The following PSMD5 variants were observed in gnomAD, a reference collection of about 807,000 sequenced individuals.
The protein encoded by PSMD5 is proteasome 26S subunit, non-ATPase 5, also known as 26S proteasome non-ATPase regulatory subunit 5.
PSMD5 carries 40 observed loss-of-function variants against 52.1 expected under a neutral mutation model. The observed-to-expected ratio is 0.77, with a 90% CI of 0.60 to 1.00. PSMD5 has a LOEUF of 1.00. Ranked by LOEUF, PSMD5 falls within the 50% of genes least tolerant of loss-of-function variation. The probability of loss-of-function intolerance (pLI) is 0.00; values close to 1 mark genes in which losing one functional copy is unlikely to be tolerated. For missense variants in PSMD5, 575 were observed against 605.2 expected, an observed-to-expected ratio of 0.95 and a Z score of 0.52; for synonymous variants, 211 against 226.6, an observed-to-expected ratio of 0.93 and a Z score of 0.62.
chr9:120,840,025 G>A (rs965840497), intron 1 of PSMD5, among the ~76,000 whole-genome samples: 14 of 150,804 alleles, frequency 9.3e-5, no homozygotes, highest in African/African-American at 3.4e-4. Context: ...CTACTCAGGA[G>A]GCTGAGGCAG....
chr9:120,840,619 CTTTTT>C (rs35843505), intron 1 of PSMD5, among the ~76,000 whole-genome samples: 1 of 116,176 alleles, frequency 8.6e-6, no homozygotes, highest in African/African-American at 3.2e-5. Flanking sequence ...CTAATTTTTG[CTTTTT>C]TTTTTTTTTT....
Position 120,831,458 on chromosome 9 carries a change from G to T in PSMD5, c.434C>A (p.Ala145Asp). 1 of 1,595,944 alleles carries T rather than the reference G, an allele frequency of 6.3e-7. No homozygotes were observed. Among genetic ancestry groups the T allele is most frequent in the Non-Finnish European group, 8.5e-7 (1 of 1,174,528 alleles). The change falls in exon 4 of 10, where the codon GCT becomes GAT. Residue 145 changes from alanine to aspartate, a missense_variant and splice_region_variant. Transcript: ENST00000210313. ...GGENLSVAKAAIKSLSRISLT... is the reference protein window; with the variant it reads ...GGENLSVAKADIKSLSRISLT... ...TGATATTCTTGACAGGGATTTGATA[G>T]CCTTATAACGAAAGAAAATATCTCT... is the stretch of plus-strand genomic sequence containing the variant.
intron 3 of PSMD5, 76 bp downstream of exon 3, chr9:120,831,756 A>C: frequency 1.3e-6 from 2 of 1,539,864 alleles, no homozygotes; most frequent in Non-Finnish European, 1.7e-6. Flanking sequence ...TCACCTCTCA[A>C]TTCAGAAGGC....
intron 1 of PSMD5, among the ~76,000 whole-genome samples, chr9:120,840,688 C>T (rs1259386791): frequency 2.7e-5 from 4 of 148,170 alleles, no homozygotes; most frequent in African/African-American, 7.5e-5. Flanking sequence ...GGAGCGATCT[C>T]GTCTCACCGC....
intron 9 of PSMD5, among the ~76,000 whole-genome samples, chr9:120,819,595 G>C (rs1446210098): frequency 2.0e-5 from 3 of 152,238 alleles, no homozygotes; most frequent in Non-Finnish European, 4.4e-5. Context: ...AGCACTCTGG[G>C]AGGCCGAGGC....
intron 4 of PSMD5, among the ~76,000 whole-genome samples, chr9:120,830,872 T>C (rs956424424): frequency 1.5e-5 from 2 of 132,870 alleles, no homozygotes; most frequent in Admixed American, 9.1e-5. Context: ...TCATAGTAAT[T>C]ATATTGCACT....
At chr9:120,830,482 G>A (rs564309142) in intron 4 of PSMD5, among the ~76,000 whole-genome samples, 2 of 152,272 alleles carry the variant, frequency 1.3e-5, no homozygotes, top group African/African-American at 2.4e-5. Flanking sequence ...AGCAGGGCTT[G>A]GAACTCTGTT....
chr9:120,832,019 C>T, intron 2 of PSMD5, 74 bp from the exon 3 acceptor site: 2 of 1,542,150 alleles, frequency 1.3e-6, no homozygotes, highest in South Asian at 1.2e-5. Flanking sequence ...GTCCAATTTC[C>T]TTAGTGCACA....
At chr9:120,832,848 T>A (rs1194121807) in intron 2 of PSMD5, among the ~76,000 whole-genome samples, 1 of 152,222 alleles carries the variant, frequency 6.6e-6, no homozygotes, top group African/African-American at 2.4e-5. Context: ...ATGATAAGAG[T>A]TACTGTCTTA....
rs1358334887 is a variant in PSMD5 at position 120,824,659 on chromosome 9, C to T, written c.841G>A (p.Ala281Thr). 1 of 1,597,578 alleles carries T rather than the reference C, an allele frequency of 6.3e-7. No homozygotes were observed. Among genetic ancestry groups the T allele is most frequent in the Non-Finnish European group, 8.5e-7 (1 of 1,174,714 alleles). Reference sequence around the variant, plus strand: ...ATCTGTTGAGGACTATCCATGACAGCCAGGTTTCCAAAAAACTTCACGAAT... The same window carrying T: ...ATCTGTTGAGGACTATCCATGACAGTCAGGTTTCCAAAAAACTTCACGAAT... ...PGFVKFFGNL[A>T]VMDSPQQICE... The change falls in exon 7 of 10, where the codon GCT becomes ACT. Residue 281 changes from alanine to threonine, a missense_variant. By Grantham distance (58) the Ala-to-Thr change is moderately conservative. Coordinates refer to ENST00000210313, the MANE Select transcript of PSMD5 (RefSeq NM_005047.4).
At position 120,842,918 on chromosome 9, in the gene PSMD5, C is replaced by CG; in HGVS notation, c.-10_-9insC. The CG allele has an allele frequency of 6.4e-7, 1 of 1,571,820 alleles. No individual in the cohort carries two copies. Among genetic ancestry groups the CG allele is most frequent in the Non-Finnish European group, 8.6e-7 (1 of 1,165,116 alleles). On this transcript the variant is annotated 5_prime_UTR_variant, in exon 1 of 10. Transcript: ENST00000210313. Reference sequence around the variant, plus strand: ...AAAGCCTGGGCTGCCATCTTGCCCCCCGACGCAGGGGCTGGCCCAGCGGCC... The same window carrying CG: ...AAAGCCTGGGCTGCCATCTTGCCCCCGCGACGCAGGGGCTGGCCCAGCGGCC...
intron 9 of PSMD5, among the ~76,000 whole-genome samples, chr9:120,818,412 T>TA (rs1564473238): frequency 6.6e-6 from 1 of 152,102 alleles, no homozygotes. Context: ...AATGGTTAAG[T>TA]AAATTATGGT....
chr9:120,840,434 A>T lies in PSMD5; in HGVS notation c.173+2303T>A, dbSNP rs572608397. Among the ~76,000 whole-genome samples the T allele has an allele frequency of 2.7e-3, 401 of 148,690 alleles. 7 individuals are homozygous for T. Among genetic ancestry groups the T allele is most frequent in the African/African-American group, 9.4e-3 (379 of 40,532 alleles). ...TGCTCCCGGTCTACAAAGTGTTTTT[A>T]TTATTATTATTATATTATTATTATT... On this transcript the variant is annotated intron_variant, in intron 1 of 9. Transcript: ENST00000210313.
chr9:120,829,152 A>G lies in PSMD5; in HGVS notation c.618T>C (p.Ser206=). 1 of 1,609,384 alleles carries G rather than the reference A, an allele frequency of 6.2e-7. No individual in the cohort carries two copies. The highest frequency in any genetic ancestry group is 8.5e-7 in the Non-Finnish European group (1 of 1,177,518). ...CTCTCAGGAGCTGGGTTACCAATCC[A>G]CTTGTGGTACAGTAGTTTAAAGATT... The part of the protein sequence containing the change: ...SPESLNYCTT[S]GLVTQLLREL... The change falls in exon 5 of 10, where the codon AGT becomes AGC. Residue 206 remains serine, a synonymous_variant. Coordinates refer to ENST00000210313, the MANE Select transcript of PSMD5 (RefSeq NM_005047.4).
chr9:120,819,179 GT>G (rs1230593813), intron 9 of PSMD5, among the ~76,000 whole-genome samples: 1 of 152,162 alleles, frequency 6.6e-6, no homozygotes. Context: ...TTATGGCCTA[GT>G]TTTTTCCTCT....
chr9:120,821,356 G>C lies in PSMD5; in HGVS notation c.1115C>G (p.Pro372Arg). ...TTCATTATTTCCCTACCTACTTACT[G>C]GTAAGTACAGAAGAGATGAAATTGC... ...LDAISSLLYL[P>R]PEQQTDDLLR... Residue 372 changes from proline (P) to arginine (R), a missense_variant and splice_region_variant, in exon 8 of 10, where the codon CCA (proline) becomes CGA (arginine). By Grantham distance (103) the Pro-to-Arg change is moderately radical. Coordinates refer to ENST00000210313, the MANE Select transcript of PSMD5 (RefSeq NM_005047.4). 1.3e-6 allele frequency: 2 copies of C among 1,535,860 alleles called. No individual in the cohort carries two copies. Among genetic ancestry groups the C allele is most frequent in the Non-Finnish European group, 1.8e-6 (2 of 1,126,174 alleles).
In PSMD5 at chr9:120,824,688, A is replaced by G; in HGVS notation, c.815-3T>C. 1 of 1,589,460 alleles carries G rather than the reference A, an allele frequency of 6.3e-7. No homozygotes were observed. Among genetic ancestry groups the G allele is most frequent in the Non-Finnish European group, 8.5e-7 (1 of 1,170,770 alleles). On this transcript the variant is annotated splice_polypyrimidine_tract_variant and splice_region_variant and intron_variant, in intron 6 of 9. Coordinates refer to ENST00000210313, the MANE Select transcript of PSMD5 (RefSeq NM_005047.4). Reference sequence around the variant, plus strand: ...GTTTCCAAAAAACTTCACGAATCCTAAAGAGATTTACAAAAATATATTTTA... The same window carrying G: ...GTTTCCAAAAAACTTCACGAATCCTGAAGAGATTTACAAAAATATATTTTA...
At chr9:120,820,746 TC>T in intron 9 of PSMD5, 92 bp downstream of exon 9, 1 of 1,270,402 alleles carries the variant, frequency 7.9e-7, no homozygotes. Flanking sequence ...CACTTGTGCA[TC>T]CCCAGAGATG....
At position 120,821,352 on chromosome 9, in the gene PSMD5, T is replaced by G. The variant is rs773257534; in HGVS notation, c.1116+3A>C. On this transcript the variant is annotated splice_donor_region_variant and intron_variant, in intron 8 of 9. Coordinates refer to ENST00000210313, the MANE Select transcript of PSMD5 (RefSeq NM_005047.4). ...GTCCTTCATTATTTCCCTACCTACT[T>G]ACTGGTAAGTACAGAAGAGATGAAA... The G allele has an allele frequency of 1.3e-6, 2 of 1,530,430 alleles. No homozygotes were observed. The highest frequency in any genetic ancestry group is 3.9e-5 in the Admixed American group (2 of 50,872). The allele number at this position is 1,530,430 out of a possible 1,614,324, so 94.8% of individuals were successfully genotyped here.
Sources: gnomAD v4.1 joint callset for allele counts (sites outside exome capture counted in the v4.1 genomes callset) on GRCh38, gnomAD v4.1.1 for gene constraint, MANE v1.5 for transcripts, NCBI Gene and HGNC (gene_info 2026-07-23, HGNC 2026-07-21) for gene names.